The following LPP variants were observed in gnomAD, a reference collection of about 807,000 sequenced individuals.
The protein encoded by LPP is lipoma-preferred partner.
LPP carries 38 observed loss-of-function variants against 60.4 expected under a neutral mutation model. The ratio of observed to expected loss-of-function variants is 0.63; its 90% CI spans 0.49 to 0.83. LPP has a LOEUF of 0.83. Among genes scored for constraint, LPP ranks in the 40% least tolerant of loss-of-function variants. The pLI is 0.00. For missense variants in LPP, 902 were observed against 783.6 expected, an observed-to-expected ratio of 1.15 and a Z score of -1.80; for synonymous variants, 328 against 290.8, an observed-to-expected ratio of 1.13 and a Z score of -1.30.
intron 6 of LPP, among the ~76,000 whole-genome samples, chr3:188,579,039 A>AG (rs1247574197): frequency 1.3e-5 from 2 of 152,158 alleles, no homozygotes; most frequent in Non-Finnish European, 2.9e-5. Flanking sequence ...CCAAAAAAAA[A>AG]GGGGGTAGTG....
intron 7 of LPP, among the ~76,000 whole-genome samples, chr3:188,674,441 T>C (rs751437063): frequency 2.6e-5 from 4 of 151,800 alleles, no homozygotes; most frequent in South Asian, 2.1e-4. Flanking sequence ...GCCTTGGGTA[T>C]AGAGTCACGC....
intron 6 of LPP, among the ~76,000 whole-genome samples, chr3:188,574,230 C>T (rs919957444): frequency 3.9e-5 from 6 of 152,142 alleles, no homozygotes; most frequent in Non-Finnish European, 7.4e-5. Context: ...ATATAATAAC[C>T]GTCTGGGTGA....
chr3:188,438,128 A>G (rs1009279205), intron 4 of LPP, among the ~76,000 whole-genome samples: 7 of 152,092 alleles, frequency 4.6e-5, no homozygotes, highest in South Asian at 2.1e-4. Flanking sequence ...GGACTGGATC[A>G]TGTCGTTTCA....
At chr3:188,677,101 A>G (rs1258701387) in intron 7 of LPP, among the ~76,000 whole-genome samples, 1 of 152,096 alleles carries the variant, frequency 6.6e-6, no homozygotes, top group Non-Finnish European at 1.5e-5. Context: ...TCCCCAGTCA[A>G]TCCTCAGTTG....
chr3:188,316,091 T>C (rs1240543136), intron 2 of LPP, among the ~76,000 whole-genome samples: 1 of 152,110 alleles, frequency 6.6e-6, no homozygotes, highest in African/African-American at 2.4e-5. Context: ...TTGGCCAACA[T>C]GGTGAAACCT....
intron 4 of LPP, chr3:188,472,806 C>G (rs1802185770): frequency 6.6e-6 from 1 of 152,180 alleles, no homozygotes; most frequent in Non-Finnish European, 1.5e-5. Flanking sequence ...TTTACATGTT[C>G]CTGCTCGTCT....
chr3:188,676,224 T>C (rs893264827), intron 7 of LPP, among the ~76,000 whole-genome samples: 10 of 152,188 alleles, frequency 6.6e-5, no homozygotes, highest in Non-Finnish European at 1.2e-4. Context: ...AATCCTGCCT[T>C]GCACATAGTG....
chr3:188,242,549 C>T (rs1370227671), intron 2 of LPP, among the ~76,000 whole-genome samples: 1 of 152,052 alleles, frequency 6.6e-6, no homozygotes, highest in Non-Finnish European at 1.5e-5. Flanking sequence ...ACTGGAGATA[C>T]AAAACTGTGA....
At chr3:188,799,326 C>T (rs1471656503) in intron 9 of LPP, among the ~76,000 whole-genome samples, 2 of 152,174 alleles carry the variant, frequency 1.3e-5, no homozygotes, top group African/African-American at 2.4e-5. Context: ...CCTTTACATT[C>T]GCGATGGGTA....
intron 3 of LPP, among the ~76,000 whole-genome samples, chr3:188,369,047 G>A (rs1242892797): frequency 2.0e-5 from 3 of 152,042 alleles, no homozygotes; most frequent in African/African-American, 4.8e-5. Context: ...GATATTGCCT[G>A]GTTATAAATC....
intron 8 of LPP, among the ~76,000 whole-genome samples, chr3:188,717,334 T>C (rs1258879368): frequency 1.3e-5 from 2 of 152,262 alleles, no homozygotes; most frequent in Non-Finnish European, 2.9e-5. Flanking sequence ...TTAGAGGATC[T>C]CAACTGAGAG....
In LPP at chr3:188,490,598, G is replaced by A. The variant is rs931633385; in HGVS notation, c.306+5894G>A. ...AGTCTGGTCTTGAACTCCTGACTTC[G>A]GGTGATCCGCCCACCTCGGCCCCAC... On this transcript the variant is annotated intron_variant, in intron 5 of 11. Transcript: ENST00000617246. Among the ~76,000 whole-genome samples the A allele has an allele frequency of 4.0e-5, 6 of 151,686 alleles. No individual in the cohort carries two copies. The East Asian group carries it at 5.8e-4, about 15-fold the overall frequency.
At chr3:188,813,721 G>A (rs1751702693) in intron 9 of LPP, among the ~76,000 whole-genome samples, 1 of 152,148 alleles carries the variant, frequency 6.6e-6, no homozygotes, top group South Asian at 2.1e-4. Context: ...GGACCCACTT[G>A]AGCAAATCTA....
intron 3 of LPP, among the ~76,000 whole-genome samples, chr3:188,350,702 C>G (rs891306506): frequency 1.3e-5 from 2 of 152,146 alleles, no homozygotes; most frequent in Non-Finnish European, 2.9e-5. Context: ...ACCCAGGTGT[C>G]CTGCCTCTAT....
intron 9 of LPP, among the ~76,000 whole-genome samples, chr3:188,859,875 A>G (rs371066436): frequency 6.6e-6 from 1 of 152,140 alleles, no homozygotes; most frequent in Non-Finnish European, 1.5e-5. Context: ...TTGTTTCAAA[A>G]CGTTTCCTAT....
intron 4 of LPP, among the ~76,000 whole-genome samples, chr3:188,455,404 G>A (rs994144715): frequency 2.6e-5 from 4 of 152,170 alleles, no homozygotes; most frequent in African/African-American, 9.7e-5. Flanking sequence ...TTAAGCTGAA[G>A]CCGAGGTTTT....
intron 4 of LPP, chr3:188,472,432 AGT>A (rs1438977012): frequency 5.3e-5 from 8 of 152,272 alleles, no homozygotes; most frequent in African/African-American, 1.7e-4. Context: ...AAATGAAATG[AGT>A]GTCTCTATTT....
At chr3:188,187,746 A>T (rs1484593805) in intron 1 of LPP, among the ~76,000 whole-genome samples, 1 of 151,994 alleles carries the variant, frequency 6.6e-6, no homozygotes, top group African/African-American at 2.4e-5. Context: ...TGTTTTTATT[A>T]TGGTTTCAGA....
rs1770995628 is a variant in LPP at position 188,889,174 on chromosome 3, A to G, written c.*14695A>G. 1 of 228,522 alleles carries G rather than the reference A, an allele frequency of 4.4e-6. No homozygotes were observed. The highest frequency in any genetic ancestry group is 8.7e-6 in the Non-Finnish European group (1 of 115,104). 14.2% of individuals were successfully genotyped at this position (228,522 alleles called of 1,614,324 possible). A position where few individuals can be genotyped will look rare whatever the true frequency, so the allele number is the denominator to read the frequency against. ...AATGTCCTTGCCAGATCCTTAGAGC[A>G]TTACTTTGACTCCTAAAAATAGTAG... On this transcript the variant is annotated 3_prime_UTR_variant, in exon 12 of 12. Coordinates refer to ENST00000617246, the MANE Select transcript of LPP (RefSeq NM_001375462.1).
Sources: gnomAD v4.1 joint callset for allele counts (sites outside exome capture counted in the v4.1 genomes callset) on GRCh38, gnomAD v4.1.1 for gene constraint, MANE v1.5 for transcripts, NCBI Gene and HGNC (gene_info 2026-07-23, HGNC 2026-07-21) for gene names.